The following MECR variants were observed in gnomAD, a reference collection of about 807,000 sequenced individuals.
MECR encodes the protein mitochondrial trans-2-enoyl-CoA reductase, also known as enoyl-[acyl-carrier-protein] reductase, mitochondrial.
A neutral mutation model predicts 49.1 loss-of-function variants in MECR; 37 were observed. The ratio of observed to expected loss-of-function variants is 0.75; its 90% CI spans 0.58 to 0.99. The LOEUF (loss-of-function observed/expected upper bound fraction) is 0.99, where lower values mean the gene tolerates loss of function less well. MECR is among the 50% of genes least tolerant of loss of function. The probability of loss-of-function intolerance (pLI) is 0.00; values close to 1 mark genes in which losing one functional copy is unlikely to be tolerated. For synonymous variants in MECR, 198 were observed against 191.1 expected (o/e 1.04, Z -0.30); for missense variants, 470 against 479.6 (o/e 0.98, Z 0.19).
intron 3 of MECR, among the ~76,000 whole-genome samples, chr1:29,209,149 C>A (rs573331296): frequency 6.6e-6 from 1 of 152,340 alleles, no homozygotes; most frequent in South Asian, 2.1e-4. Flanking sequence ...ATGAGTTCCA[C>A]TGTGAATTCG....
chr1:29,209,218 CCTTACT>C (rs1677349752), intron 3 of MECR, among the ~76,000 whole-genome samples: 2 of 134,206 alleles, frequency 1.5e-5, no homozygotes, highest in Non-Finnish European at 3.2e-5. Flanking sequence ...GAATACTTAC[CCTTACT>C]ATGTGTGATA....
Position 29,206,841 on chromosome 1 carries a change from A to AG in MECR, c.470dup (p.Leu158SerfsTer63). ...CACCCAGGGTGGCAGCGCTCTGAAGAGGGATGTCACTCGGAACTTGGATCA... is the reference window on the plus strand; with the variant it reads ...CACCCAGGGTGGCAGCGCTCTGAAGAGGGGATGTCACTCGGAACTTGGATCA... On this transcript the variant is annotated frameshift_variant, in exon 4 of 10. Coordinates refer to ENST00000263702, the MANE Select transcript of MECR (RefSeq NM_016011.5). LOFTEE classifies it high-confidence loss of function. 1 of 1,614,146 alleles carries AG rather than the reference A, an allele frequency of 6.2e-7. No individual in the cohort carries two copies. Among genetic ancestry groups the AG allele is most frequent in the South Asian group, 1.1e-5 (1 of 91,086 alleles).
chr1:29,216,892 T>G, intron 1 of MECR: 1 of 1,222,528 alleles, frequency 8.2e-7, no homozygotes, highest in South Asian at 1.7e-5. Context: ...CCCAGCACTT[T>G]GGAAGGCCGA....
intron 1 of MECR, among the ~76,000 whole-genome samples, chr1:29,226,728 A>G (rs1365454834): frequency 1.3e-5 from 2 of 152,184 alleles, no homozygotes; most frequent in African/African-American, 4.8e-5. Flanking sequence ...CTTGAGCTTC[A>G]ATTTCCTTAT....
chr1:29,175,523 G>A, the MECR span, among the ~76,000 whole-genome samples: 6 of 150,096 alleles, frequency 4.0e-5, no homozygotes, highest in Admixed American at 2.0e-4. Context: ...GTGAAACCCC[G>A]TCTCTACTAA....
chr1:29,177,642 T>C, the MECR span, among the ~76,000 whole-genome samples: 3 of 152,010 alleles, frequency 2.0e-5, no homozygotes, highest in South Asian at 2.1e-4. Context: ...TAATGGGAAA[T>C]GGAATGGTCT....
intron 3 of MECR, among the ~76,000 whole-genome samples, chr1:29,214,292 C>T (rs368163417): frequency 2.0e-5 from 3 of 151,602 alleles, no homozygotes; most frequent in East Asian, 3.9e-4. Context: ...AACTCCTGAC[C>T]TCAGGTGATC....
At chr1:29,198,167 G>A (rs1387736120) in intron 7 of MECR, among the ~76,000 whole-genome samples, 1 of 152,178 alleles carries the variant, frequency 6.6e-6, no homozygotes, top group Non-Finnish European at 1.5e-5. Flanking sequence ...GATCTGTCAG[G>A]AGGCGGAGCT....
At chr1:29,223,779 A>C (rs1256449252) in intron 1 of MECR, among the ~76,000 whole-genome samples, 1 of 152,186 alleles carries the variant, frequency 6.6e-6, no homozygotes, top group Non-Finnish European at 1.5e-5. Flanking sequence ...TAAGCAGGGC[A>C]CAACTAGGCA....
rs1673243008 is a variant in MECR, at chr1:29,193,278, T to C, written c.*744A>G. 1 of 186,282 alleles carries C rather than the reference T, an allele frequency of 5.4e-6. No homozygotes were observed. Among genetic ancestry groups the C allele is most frequent in the Non-Finnish European group, 1.1e-5 (1 of 88,846 alleles). The allele number at this position is 186,282 out of a possible 1,614,324, so 11.5% of individuals were successfully genotyped here. A position where few individuals can be genotyped will look rare whatever the true frequency, so the allele number is the denominator to read the frequency against. ...TTCTTTGTTGCAGTAGACTGTTCTG[T>C]GTCCTGTGGTGGGTTTAACAGCAGC... On this transcript the variant is annotated 3_prime_UTR_variant, in exon 10 of 10. Coordinates refer to ENST00000263702, the MANE Select transcript of MECR (RefSeq NM_016011.5).
Position 29,206,744 on chromosome 1 carries a change from C to T in MECR, c.550+18G>A, listed in dbSNP as rs1308951171. 1 of 1,613,642 alleles carries T rather than the reference C, an allele frequency of 6.2e-7. No individual in the cohort carries two copies. The highest frequency in any genetic ancestry group is 8.5e-7 in the Non-Finnish European group (1 of 1,179,724). On this transcript the variant is annotated intron_variant, in intron 4 of 9. Transcript: ENST00000263702. ...GTTGCGAGACCCTGGCCTGCTCCCC[C>T]AACCTGTGGGTTCCTACCTGGCTGC...
intron 7 of MECR, among the ~76,000 whole-genome samples, chr1:29,198,286 T>C (rs1674493916): frequency 1.3e-5 from 2 of 152,218 alleles, no homozygotes; most frequent in African/African-American, 4.8e-5. Context: ...GGACCCGTGT[T>C]AGACCACCCT....
At chr1:29,225,332 A>G (rs1006389751) in intron 1 of MECR, among the ~76,000 whole-genome samples, 1 of 151,764 alleles carries the variant, frequency 6.6e-6, no homozygotes, top group Non-Finnish European at 1.5e-5. Context: ...TGCTTGGGAC[A>G]TTTCCCCACT....
chr1:29,214,944 A>C (rs1679002700), intron 3 of MECR, among the ~76,000 whole-genome samples: 1 of 152,194 alleles, frequency 6.6e-6, no homozygotes, highest in Non-Finnish European at 1.5e-5. Flanking sequence ...ATGACTCCTT[A>C]TAATATATCA....
At chr1:29,181,548 C>T in the MECR span, 5 of 1,103,520 alleles carry the variant, frequency 4.5e-6, no homozygotes, top group African/African-American at 1.6e-5. Flanking sequence ...CCGGTAGCCG[C>T]TCCGCGCGGA....
At chr1:29,217,503 C>T (rs1049110866) in intron 1 of MECR, among the ~76,000 whole-genome samples, 7 of 152,130 alleles carry the variant, frequency 4.6e-5, no homozygotes, top group African/African-American at 1.7e-4. Flanking sequence ...GTGTGAGCCA[C>T]TGTGCCCGGT....
In MECR at chr1:29,202,033, C is replaced by T; in HGVS notation, c.666G>A (p.Gln222=). 2 of 1,614,160 alleles carry T rather than the reference C, an allele frequency of 1.2e-6. No homozygotes were observed. Among genetic ancestry groups the T allele is most frequent in the Non-Finnish European group, 1.7e-6 (2 of 1,180,028 alleles). The change falls in exon 6 of 10, where the codon CAG becomes CAA. Residue 222 remains glutamine, a synonymous_variant. Coordinates refer to ENST00000263702, the MANE Select transcript of MECR (RefSeq NM_016011.5). Reference sequence around the variant, plus strand: ...GACTCTTCAGTCTGTCACTCAGCTTCTGGATATCAGGTCTGGAAACCAAAC... The same window carrying T: ...GACTCTTCAGTCTGTCACTCAGCTTTTGGATATCAGGTCTGGAAACCAAAC... ...INVVRDRPDI[Q]KLSDRLKSLG...
intron 1 of MECR, chr1:29,221,001 T>C (rs1680628050): frequency 1.3e-6 from 1 of 746,944 alleles, no homozygotes. Flanking sequence ...AACAAATATT[T>C]ATGGACAGTC....
chr1:29,206,493 TTTGC>T (rs1435475132), intron 4 of MECR, among the ~76,000 whole-genome samples: 2 of 152,166 alleles, frequency 1.3e-5, no homozygotes, highest in African/African-American at 4.8e-5. Context: ...TCAACACATT[TTTGC>T]TGAATGACAG....
Sources: allele counts gnomAD v4.1 joint callset (sites outside exome capture counted in the v4.1 genomes callset), GRCh38; gene constraint gnomAD v4.1.1; transcripts MANE v1.5; gene names NCBI Gene and HGNC (gene_info 2026-07-23, HGNC 2026-07-21).